GLDC: variants seen among roughly 807,000 people sequenced by gnomAD.
GLDC encodes the protein glycine dehydrogenase (decarboxylating), mitochondrial.
Under a neutral mutation model 121.3 loss-of-function variants are expected in GLDC, and 104 were observed. The observed-to-expected ratio is 0.86, with a 90% CI of 0.73 to 1.01. GLDC has a LOEUF of 1.01. Among genes scored for constraint, GLDC ranks in the 50% least tolerant of loss-of-function variants. The pLI, the probability that GLDC is intolerant of heterozygous loss-of-function variation, is 0.00. For missense variants in GLDC, 1,429 were observed against 1,306.6 expected (o/e 1.09, Z -1.44); for synonymous variants, 546 against 480.6 (o/e 1.14, Z -1.78).
intron 15 of GLDC, 44 bp from the exon 16 acceptor site, chr9:6,565,473 C>G (rs557900645): frequency 3.6e-6 from 5 of 1,406,340 alleles, no homozygotes; most frequent in African/African-American, 2.8e-5. Flanking sequence ...GGTCTTCTGG[C>G]TTTCATTTAC....
chr9:6,558,137 C>T (rs1817675699), intron 17 of GLDC: 1 of 282,604 alleles, frequency 3.5e-6, no homozygotes, highest in Admixed American at 4.7e-5. Flanking sequence ...GGAAACCAAG[C>T]TGCATGATGC....
chr9:6,639,668 A>AAACTATATATATATATATATATATAT, intron 2 of GLDC: 2 of 250,562 alleles, frequency 8.0e-6, no homozygotes, highest in East Asian at 2.3e-4. Flanking sequence ...ATAAAAAAAA[A>AAACTATATATATATATATATATATAT]GTATATATAT....
At chr9:6,613,381 C>T (rs924279082) in intron 3 of GLDC, among the ~76,000 whole-genome samples, 11 of 152,124 alleles carry the variant, frequency 7.2e-5, no homozygotes, top group African/African-American at 2.4e-4. Context: ...AATACCAACA[C>T]TTTGGGAGGC....
At chr9:6,599,982 G>T (rs1271578677) in intron 8 of GLDC, among the ~76,000 whole-genome samples, 1 of 152,128 alleles carries the variant, frequency 6.6e-6, no homozygotes, top group Non-Finnish European at 1.5e-5. Context: ...TTTCAGAGGT[G>T]GTTCTAGACG....
chr9:6,580,376 C>T (rs745980870), intron 15 of GLDC, among the ~76,000 whole-genome samples: 26 of 152,306 alleles, frequency 1.7e-4, no homozygotes, highest in Non-Finnish European at 2.4e-4. Flanking sequence ...TGACTTCTAA[C>T]GACACCCAGA....
Position 6,645,332 on chromosome 9 carries a change from A to G in GLDC, c.168T>C (p.Leu56=), listed in dbSNP as rs1316977563. 6.4e-7 allele frequency: 1 copy of G among 1,569,228 alleles called. No homozygotes were observed. Among genetic ancestry groups the G allele is most frequent in the Non-Finnish European group, 8.6e-7 (1 of 1,160,658 alleles). Residue 56 remains leucine, a synonymous_variant, in exon 1 of 25, where the codon CTT becomes CTC. Coordinates refer to ENST00000321612, the MANE Select transcript of GLDC (RefSeq NM_000170.3). ...AAGASRLLER[L]LPRHDDFARR... ...GAGCGAAGTCGTCGTGTCTGGGCAG[A>G]AGGCGCTCCAGGAGGCGCGAGGCCC...
At chr9:6,552,774 C>T (rs1011042325) in intron 20 of GLDC, among the ~76,000 whole-genome samples, 2 of 152,162 alleles carry the variant, frequency 1.3e-5, no homozygotes, top group Admixed American at 6.5e-5. Flanking sequence ...AGAAAATCAA[C>T]TCTGGCCCTG....
intron 11 of GLDC, 57 bp downstream of exon 11, chr9:6,592,086 C>G (rs936469158): frequency 1.9e-6 from 2 of 1,074,760 alleles, no homozygotes; most frequent in African/African-American, 1.5e-5. Context: ...GGATAAGCTA[C>G]TTTTGCTACC....
At chr9:6,554,821 T>C in intron 18 of GLDC, 40 bp from the exon 19 acceptor site, 1 of 1,477,874 alleles carries the variant, frequency 6.8e-7, no homozygotes, top group Non-Finnish European at 9.4e-7. Context: ...AGTCAAGAGC[T>C]TGGAAGCACC....
intron 9 of GLDC, among the ~76,000 whole-genome samples, chr9:6,594,783 G>T (rs577577928): frequency 6.8e-6 from 1 of 146,918 alleles, no homozygotes; most frequent in Admixed American, 6.8e-5. Context: ...AAAAAAGAAA[G>T]AAAGCAAGAA....
intron 15 of GLDC, among the ~76,000 whole-genome samples, chr9:6,579,211 A>G (rs73398386): frequency 0.019 from 2,885 of 152,178 alleles, 99 homozygotes; most frequent in African/African-American, 0.063. Context: ...CAGTTTTTGT[A>G]TTTATTAATC....
rs150835843 is a variant in GLDC, at chr9:6,555,897, G to C, written c.2202+256C>G. On this transcript the variant is annotated intron_variant, in intron 18 of 24. Coordinates refer to ENST00000321612, the MANE Select transcript of GLDC (RefSeq NM_000170.3). ...AGGGGCTCCCAACAGCATTTCTTCA[G>C]AGGTTCACAGTACATAGATCCTCTG... Among the ~76,000 whole-genome samples the C allele has an allele frequency of 3.8e-3, 578 of 152,342 alleles. 2 individuals are homozygous for C. Among genetic ancestry groups the C allele is most frequent in the Non-Finnish European group, 6.2e-3 (422 of 68,036 alleles).
intron 15 of GLDC, among the ~76,000 whole-genome samples, chr9:6,570,924 T>C (rs551528994): frequency 1.7e-4 from 26 of 151,836 alleles, no homozygotes; most frequent in African/African-American, 6.3e-4. Flanking sequence ...TTTAAAATGA[T>C]ACCTTTTCAT....
rs1415556497 is a variant in GLDC at position 6,610,236 on chromosome 9, C to T, written c.591G>A (p.Leu197=). The change falls in exon 4 of 25, where the codon CTG becomes CTA. Residue 197 remains leucine, a synonymous_variant. Coordinates refer to ENST00000321612, the MANE Select transcript of GLDC (RefSeq NM_000170.3). ...CCTCTGCGGCTGCAGTCCCCTCATC[C>T]AGCAGGGATGCATTGGCCATGTCCA... ...TGLDMANASL[L]DEGTAAAEAL... 5.0e-6 allele frequency: 8 copies of T among 1,613,858 alleles called. No individual in the cohort carries two copies. In the African/African-American group the frequency reaches 1.1e-4, roughly 21 times the overall value.
intron 10 of GLDC, 38 bp from the exon 11 acceptor site, chr9:6,592,261 A>G (rs760524406): frequency 8.1e-7 from 1 of 1,227,590 alleles, no homozygotes. Context: ...CATCAACTCT[A>G]AACTCCACAT....
intron 15 of GLDC, among the ~76,000 whole-genome samples, chr9:6,571,332 TAC>T (rs1345798741): frequency 2.6e-5 from 4 of 152,168 alleles, no homozygotes; most frequent in African/African-American, 9.7e-5. Flanking sequence ...ATTTTTCCTA[TAC>T]ATACATACCT....
chr9:6,645,411 C>CA lies in GLDC; in HGVS notation c.88dup (p.Trp30LeufsTer59), dbSNP rs1407602176. 7.1e-7 allele frequency: 1 copy of CA among 1,412,366 alleles called. No homozygotes were observed. The highest frequency in any genetic ancestry group is 1.5e-5 in the African/African-American group (1 of 67,434). 87.5% of individuals were successfully genotyped at this position (1,412,366 alleles called of 1,614,324 possible). Reference sequence around the variant, plus strand: ...GCTGCTGTCCCGGCTCCGCGGCGCCCAGCACGGCCCCGATCCCCCAGCCAG... The same window carrying CA: ...GCTGCTGTCCCGGCTCCGCGGCGCCCAAGCACGGCCCCGATCCCCCAGCCAG... On this transcript the variant is annotated frameshift_variant, in exon 1 of 25. Transcript: ENST00000321612. LOFTEE classifies it high-confidence loss of function.
In GLDC at chr9:6,565,929, G is replaced by T. The variant is rs916054599; in HGVS notation, c.1851-500C>A. The T allele has an allele frequency of 4.2e-5, 9 of 212,920 alleles. No homozygotes were observed. The Admixed American group carries it at 4.7e-4, about 11-fold the overall frequency. The allele number at this position is 212,920 out of a possible 1,614,324, so 13.2% of individuals were successfully genotyped here. ...CAAATGTCAATATGCAGCCTTCAAA[G>T]ATAAGTATTGTTTTTAAAAATATAA... is the stretch of plus-strand genomic sequence containing the variant. On this transcript the variant is annotated intron_variant, in intron 15 of 24. Coordinates refer to ENST00000321612, the MANE Select transcript of GLDC (RefSeq NM_000170.3).
Position 6,533,328 on chromosome 9 carries a change from C to G in GLDC, c.2920-168G>C, listed in dbSNP as rs12351820. Among the ~76,000 whole-genome samples the G allele has an allele frequency of 4.2e-3, 645 of 152,222 alleles. 5 individuals are homozygous for G. The highest frequency in any genetic ancestry group is 0.015 in the African/African-American group (622 of 41,538). ...TACCATTTAAAAAAAAGAGGCATTT[C>G]CCAGGAGGCGTGTCCCTGATCACCA... On this transcript the variant is annotated intron_variant, in intron 24 of 24. Coordinates refer to ENST00000321612, the MANE Select transcript of GLDC (RefSeq NM_000170.3).
Sources: allele counts gnomAD v4.1 joint callset (sites outside exome capture counted in the v4.1 genomes callset), GRCh38; gene constraint gnomAD v4.1.1; transcripts MANE v1.5; gene names NCBI Gene and HGNC (gene_info 2026-07-23, HGNC 2026-07-21).